The following MAGI2 variants were observed in gnomAD, a reference collection of about 807,000 sequenced individuals.
MAGI2 encodes the protein membrane associated guanylate kinase, WW and PDZ domain containing 2.
Under a neutral mutation model 133.3 loss-of-function variants are expected in MAGI2, and 35 were observed. The ratio of observed to expected loss-of-function variants is 0.26; its 90% CI spans 0.20 to 0.35. The LOEUF is 0.35. Among genes scored for constraint, MAGI2 ranks in the 10% least tolerant of loss-of-function variants. The pLI is 1.00. For missense variants in MAGI2, 1,636 were observed against 1,863.4 expected, an observed-to-expected ratio of 0.88 and a Z score of 2.25; for synonymous variants, 729 against 710.6, an observed-to-expected ratio of 1.03 and a Z score of -0.41.
At chr7:78,419,525 T>G (rs1172366330) in intron 6 of MAGI2, among the ~76,000 whole-genome samples, 5 of 151,372 alleles carry the variant, frequency 3.3e-5, no homozygotes, top group Non-Finnish European at 1.5e-5. Flanking sequence ...GAGAAATGAG[T>G]TAAGAAGAGA....
intron 1 of MAGI2, among the ~76,000 whole-genome samples, chr7:79,038,329 T>A (rs1401015278): frequency 1.3e-5 from 2 of 152,302 alleles, no homozygotes; most frequent in African/African-American, 4.8e-5. Context: ...TCTTTCTTTT[T>A]AATTCATGTA....
chr7:78,076,715 G>A (rs1424319289), intron 21 of MAGI2, among the ~76,000 whole-genome samples: 5 of 148,758 alleles, frequency 3.4e-5, no homozygotes, highest in East Asian at 2.0e-4. Flanking sequence ...GCGCGGTGGC[G>A]GGCGCCTGTA....
At chr7:79,136,011 A>AGGAAAGAAAG (rs1821427330) in intron 1 of MAGI2, among the ~76,000 whole-genome samples, 1 of 131,064 alleles carries the variant, frequency 7.6e-6, no homozygotes, top group African/African-American at 3.5e-5. Context: ...AAGAGAAAGA[A>AGGAAAGAAAG]AGAAAGAAAG....
chr7:79,386,675 G>A (rs1298048968), intron 1 of MAGI2, among the ~76,000 whole-genome samples: 3 of 152,038 alleles, frequency 2.0e-5, no homozygotes, highest in African/African-American at 7.2e-5. Context: ...TAACACCGAG[G>A]ACAATTCCAC....
intron 1 of MAGI2, among the ~76,000 whole-genome samples, chr7:79,203,377 C>T (rs1190170135): frequency 6.6e-6 from 1 of 151,964 alleles, no homozygotes; most frequent in Non-Finnish European, 1.5e-5. Flanking sequence ...AATTATTTTC[C>T]ATAAAGCCCT....
In MAGI2 at chr7:78,880,930, G is replaced by A. The variant is rs534119003; in HGVS notation, c.418+126160C>T. ...AAAAGAGCAGAGGTCACTATTAATC[G>A]GAAAAAAATGACTTTAAACCAATGA... On this transcript the variant is annotated intron_variant, in intron 2 of 21. Coordinates refer to ENST00000354212, the MANE Select transcript of MAGI2 (RefSeq NM_012301.4). Among the ~76,000 whole-genome samples the A allele has an allele frequency of 8.5e-4, 129 of 152,012 alleles. No homozygotes were observed. In the South Asian group the frequency reaches 0.026, roughly 30 times the overall value.
intron 2 of MAGI2, among the ~76,000 whole-genome samples, chr7:78,774,727 T>C: frequency 6.6e-6 from 1 of 151,966 alleles, no homozygotes; most frequent in East Asian, 1.9e-4. Context: ...CCTAAGCATA[T>C]CCAATACAGA....
At chr7:78,765,535 A>G (rs1056132400) in intron 2 of MAGI2, among the ~76,000 whole-genome samples, 8 of 151,454 alleles carry the variant, frequency 5.3e-5, no homozygotes, top group African/African-American at 1.5e-4. Flanking sequence ...TTTTAGTAGA[A>G]ACGGGGTTTC....
At chr7:79,157,850 GTTTTTT>G (rs35889003) in intron 1 of MAGI2, among the ~76,000 whole-genome samples, 3 of 84,136 alleles carry the variant, frequency 3.6e-5, no homozygotes, top group African/African-American at 1.1e-4. Flanking sequence ...TATCTAACAA[GTTTTTT>G]TTTTTTTTTT....
intron 7 of MAGI2, among the ~76,000 whole-genome samples, chr7:78,349,628 T>C (rs1432253147): frequency 6.6e-6 from 1 of 152,182 alleles, no homozygotes; most frequent in African/African-American, 2.4e-5. Context: ...ACCAATGAGC[T>C]AGTTTGGCAT....
chr7:78,857,056 C>T (rs1035616876), intron 2 of MAGI2, among the ~76,000 whole-genome samples: 1 of 152,254 alleles, frequency 6.6e-6, no homozygotes, highest in South Asian at 2.1e-4. Context: ...CTCTGTTTGT[C>T]TGTTATTGGT....
intron 2 of MAGI2, among the ~76,000 whole-genome samples, chr7:78,829,629 C>A (rs534935577): frequency 6.6e-6 from 1 of 152,006 alleles, no homozygotes; most frequent in Non-Finnish European, 1.5e-5. Flanking sequence ...TGGCATCATA[C>A]AGTGAAATAA....
At chr7:78,320,090 T>C (rs376116895) in intron 9 of MAGI2, among the ~76,000 whole-genome samples, 25 of 152,250 alleles carry the variant, frequency 1.6e-4, no homozygotes, top group African/African-American at 5.8e-4. Context: ...ATTCGAATCC[T>C]TGAATAGATC....
chr7:78,876,475 TCA>T (rs1325266153), intron 2 of MAGI2, among the ~76,000 whole-genome samples: 1 of 151,812 alleles, frequency 6.6e-6, no homozygotes, highest in African/African-American at 2.4e-5. Flanking sequence ...TTTTAAAAAA[TCA>T]CACACACATT....
chr7:78,280,674 G>A (rs1197461798), intron 9 of MAGI2, among the ~76,000 whole-genome samples: 42 of 151,992 alleles, frequency 2.8e-4, no homozygotes, highest in Admixed American at 2.4e-3. Flanking sequence ...AGGAACTCAG[G>A]AGTAAGTGGT....
chr7:78,104,850 A>G (rs1295706473), intron 20 of MAGI2, among the ~76,000 whole-genome samples: 1 of 152,164 alleles, frequency 6.6e-6, no homozygotes, highest in East Asian at 1.9e-4. Flanking sequence ...TGTTTGCTAT[A>G]TCTTTATTAT....
chr7:78,162,429 G>A (rs1208892130), intron 15 of MAGI2, among the ~76,000 whole-genome samples: 1 of 151,172 alleles, frequency 6.6e-6, no homozygotes, highest in Non-Finnish European at 1.5e-5. Context: ...GGAGGCTGAG[G>A]CAGGAGAATT....
chr7:78,029,706 C>G (rs1353489221), intron 21 of MAGI2, among the ~76,000 whole-genome samples: 4 of 143,022 alleles, frequency 2.8e-5, no homozygotes, highest in Admixed American at 1.4e-4. Flanking sequence ...TTGAAAACCA[C>G]TGCATGAAGA....
intron 1 of MAGI2, among the ~76,000 whole-genome samples, chr7:79,130,268 C>T (rs908779896): frequency 1.3e-5 from 2 of 151,980 alleles, no homozygotes; most frequent in Admixed American, 6.6e-5. Context: ...GCTATGACAG[C>T]GCCATTGTAT....
Sources: allele counts gnomAD v4.1 joint callset (sites outside exome capture counted in the v4.1 genomes callset), GRCh38; gene constraint gnomAD v4.1.1; transcripts MANE v1.5; gene names NCBI Gene and HGNC (gene_info 2026-07-23, HGNC 2026-07-21).